The following RTKN2 variants were observed in gnomAD, a reference collection of about 807,000 sequenced individuals.
RTKN2 encodes the protein rhotekin-2.
In RTKN2, 69 loss-of-function variants were observed where a neutral mutation model predicts 71.5. The ratio of observed to expected loss-of-function variants is 0.96; its 90% CI spans 0.79 to 1.18. RTKN2 has a LOEUF of 1.18. Among genes scored for constraint, RTKN2 ranks in the 50% most tolerant of loss-of-function variants. The pLI, the probability that RTKN2 is intolerant of heterozygous loss-of-function variation, is 0.00. For missense variants in RTKN2, 724 were observed against 719.7 expected (o/e 1.01, Z -0.07); for synonymous variants, 236 against 236.5 (o/e 1.00, Z 0.02).
At chr10:62,244,006 A>G (rs1842431688) in intron 3 of RTKN2, among the ~76,000 whole-genome samples, 2 of 152,206 alleles carry the variant, frequency 1.3e-5, no homozygotes, top group Admixed American at 6.5e-5. Flanking sequence ...GTTCAGCAGA[A>G]ATAATAAATT....
chr10:62,256,849 T>C (rs1842685511), intron 2 of RTKN2, among the ~76,000 whole-genome samples: 1 of 152,032 alleles, frequency 6.6e-6, no homozygotes, highest in Non-Finnish European at 1.5e-5. Context: ...TAATAAAAAG[T>C]TGATTAAAAA....
chr10:62,194,120 T>G lies in RTKN2; in HGVS notation c.*3788A>C, dbSNP rs1291793200. 1.0e-6 allele frequency: 1 copy of G among 979,208 alleles called. No homozygotes were observed. The allele number at this position is 979,208 out of a possible 1,614,324, so 60.7% of individuals were successfully genotyped here. On this transcript the variant is annotated 3_prime_UTR_variant, in exon 12 of 12. Transcript: ENST00000373789. Reference sequence around the variant, plus strand: ...GATATAATACTTTTTAATCCAAAAGTCTGACCCATATTAAAAAATAAAAAT... The same window carrying G: ...GATATAATACTTTTTAATCCAAAAGGCTGACCCATATTAAAAAATAAAAAT...
At chr10:62,254,872 G>C (rs1345991069) in intron 2 of RTKN2, among the ~76,000 whole-genome samples, 1 of 152,144 alleles carries the variant, frequency 6.6e-6, no homozygotes, top group African/African-American at 2.4e-5. Flanking sequence ...GGGAGGCTGA[G>C]GCAGGAAGAT....
chr10:62,191,681 C>T (rs983827352), downstream of RTKN2, among the ~76,000 whole-genome samples: 8 of 152,228 alleles, frequency 5.3e-5, no homozygotes, highest in East Asian at 9.7e-4. Context: ...TTCTACTCAC[C>T]GGAATTCACG....
At chr10:62,247,298 G>T (rs1283614368) in intron 2 of RTKN2, among the ~76,000 whole-genome samples, 1 of 151,842 alleles carries the variant, frequency 6.6e-6, no homozygotes, top group African/African-American at 2.4e-5. Context: ...CCCCTTTACT[G>T]GATGAAACTC....
At chr10:62,241,982 A>C (rs1842385445) in intron 3 of RTKN2, among the ~76,000 whole-genome samples, 1 of 150,688 alleles carries the variant, frequency 6.6e-6, no homozygotes. Flanking sequence ...TACAGGCGTG[A>C]GCCACTGTGC....
chr10:62,266,636 G>C (rs1265743765), intron 1 of RTKN2, among the ~76,000 whole-genome samples: 1 of 152,178 alleles, frequency 6.6e-6, no homozygotes, highest in African/African-American at 2.4e-5. Context: ...TTTTTATTAA[G>C]ATGCCAAAAG....
Position 62,195,745 on chromosome 10 carries a change from AC to A in RTKN2, c.*2162del, listed in dbSNP as rs1841316951. ...GCATTTCAGGAGCTGAAGACACCAGACCCATTTCAAAGACTTGTAACATACA... is the reference window on the plus strand; with the variant it reads ...GCATTTCAGGAGCTGAAGACACCAGACCATTTCAAAGACTTGTAACATACA... On this transcript the variant is annotated 3_prime_UTR_variant, in exon 12 of 12. Coordinates refer to ENST00000373789, the MANE Select transcript of RTKN2 (RefSeq NM_145307.4). 1 of 985,200 alleles carries A rather than the reference AC, an allele frequency of 1.0e-6. No individual in the cohort carries two copies. Among genetic ancestry groups the A allele is most frequent in the Non-Finnish European group, 1.2e-6 (1 of 829,922 alleles). The allele number at this position is 985,200 out of a possible 1,614,324, so 61.0% of individuals were successfully genotyped here.
In RTKN2 at chr10:62,195,645, AG is replaced by A. The variant is rs1841314154; in HGVS notation, c.*2262del. The A allele has an allele frequency of 1.3e-6, 1 of 795,922 alleles. No homozygotes were observed. 49.3% of individuals were successfully genotyped at this position (795,922 alleles called of 1,614,324 possible). A position where few individuals can be genotyped will look rare whatever the true frequency, so the allele number is the denominator to read the frequency against. ...AAGGAAGGAAGGAAGGAAGGAAGGAAGGAAGGAAGGAAGGAAGGAAGGAAGG... is the reference window on the plus strand; with the variant it reads ...AAGGAAGGAAGGAAGGAAGGAAGGAAGAAGGAAGGAAGGAAGGAAGGAAGG... On this transcript the variant is annotated 3_prime_UTR_variant, in exon 12 of 12. Coordinates refer to ENST00000373789, the MANE Select transcript of RTKN2 (RefSeq NM_145307.4).
At chr10:62,228,457 G>A (rs1842077209) in intron 6 of RTKN2, among the ~76,000 whole-genome samples, 1 of 152,182 alleles carries the variant, frequency 6.6e-6, no homozygotes, top group Admixed American at 6.5e-5. Context: ...TGTAGGATGG[G>A]ATGGAGGTAA....
In RTKN2 at chr10:62,268,702, G is replaced by T; in HGVS notation, c.-92C>A. 1 of 1,341,378 alleles carries T rather than the reference G, an allele frequency of 7.5e-7. No individual in the cohort carries two copies. The highest frequency in any genetic ancestry group is 1.0e-6 in the Non-Finnish European group (1 of 973,914). 83.1% of individuals were successfully genotyped at this position (1,341,378 alleles called of 1,614,324 possible). ...GCAGGAGCCGCAGAGGACGCCAACC[G>T]CCCGGCCGTACCAAGTCCCAGTCGC... On this transcript the variant is annotated 5_prime_UTR_variant, in exon 1 of 12. Coordinates refer to ENST00000373789, the MANE Select transcript of RTKN2 (RefSeq NM_145307.4).
chr10:62,223,976 A>G (rs945811045), intron 6 of RTKN2, among the ~76,000 whole-genome samples: 72 of 152,048 alleles, frequency 4.7e-4, no homozygotes, highest in African/African-American at 1.3e-3. Flanking sequence ...GTGTGTGTAT[A>G]TATACACATA....
intron 2 of RTKN2, among the ~76,000 whole-genome samples, chr10:62,252,903 T>C (rs1211696384): frequency 2.0e-5 from 3 of 152,162 alleles, no homozygotes; most frequent in Non-Finnish European, 2.9e-5. Context: ...CTATGACTTA[T>C]AAAATGCTTC....
intron 6 of RTKN2, among the ~76,000 whole-genome samples, chr10:62,224,635 T>G (rs534102012): frequency 5.9e-5 from 9 of 151,956 alleles, no homozygotes; most frequent in South Asian, 2.1e-4. Context: ...CATTTGCAAG[T>G]TGGAATGCAA....
chr10:62,203,539 T>G (rs770041278), intron 10 of RTKN2, among the ~76,000 whole-genome samples: 1 of 152,060 alleles, frequency 6.6e-6, no homozygotes, highest in Non-Finnish European at 1.5e-5. Context: ...GATACGGGGT[T>G]TTACCATGTT....
downstream of RTKN2, among the ~76,000 whole-genome samples, chr10:62,191,238 G>A (rs1841218766): frequency 1.3e-5 from 2 of 152,248 alleles, no homozygotes; most frequent in Admixed American, 1.3e-4. Flanking sequence ...CAAGTTACAA[G>A]TTATCCTCCC....
At chr10:62,258,795 C>T (rs1458379356) in intron 2 of RTKN2, among the ~76,000 whole-genome samples, 3 of 151,626 alleles carry the variant, frequency 2.0e-5, no homozygotes, top group Admixed American at 6.6e-5. Context: ...ATATATAAAG[C>T]CCTGTAATAG....
intron 6 of RTKN2, among the ~76,000 whole-genome samples, chr10:62,230,808 T>C (rs892589733): frequency 1.1e-4 from 16 of 152,362 alleles, no homozygotes; most frequent in African/African-American, 3.8e-4. Context: ...ATTGGCTTTA[T>C]AACTCATTAA....
chr10:62,201,901 A>G (rs1301128831), intron 10 of RTKN2, among the ~76,000 whole-genome samples: 1 of 152,210 alleles, frequency 6.6e-6, no homozygotes, highest in African/African-American at 2.4e-5. Context: ...ACAAGGGCGC[A>G]ATATGAAATA....
Sources: gnomAD v4.1 joint callset for allele counts (sites outside exome capture counted in the v4.1 genomes callset) on GRCh38, gnomAD v4.1.1 for gene constraint, MANE v1.5 for transcripts, NCBI Gene and HGNC (gene_info 2026-07-23, HGNC 2026-07-21) for gene names.